Variants in MROH1 observed in about 807,000 individuals in gnomAD.
MROH1 encodes maestro heat like repeat family member 1.
In MROH1, 117 loss-of-function variants were observed where a neutral mutation model predicts 116.5. The observed-to-expected ratio is 1.00, with a 90% CI of 0.86 to 1.17. The LOEUF is 1.17. Among genes scored for constraint, MROH1 ranks in the 50% most tolerant of loss-of-function variants. MROH1 has a pLI of 0.00. For missense variants in MROH1, 1,873 were observed against 1,338.5 expected (o/e 1.40, Z -6.23); for synonymous variants, 921 against 583.9 (o/e 1.58, Z -8.32).
chr8:144,174,883 A>T (rs1219325425), intron 4 of MROH1: 4 of 985,336 alleles, frequency 4.1e-6, no homozygotes, highest in Non-Finnish European at 4.8e-6. Context: ...TCAGCCTGTC[A>T]CCCTGCACTG....
At chr8:144,153,052 G>A (rs1211926919) in intron 1 of MROH1, among the ~76,000 whole-genome samples, 5 of 152,260 alleles carry the variant, frequency 3.3e-5, no homozygotes, top group South Asian at 2.1e-4. Flanking sequence ...GGTAACCACC[G>A]TTCTACTCTG....
chr8:144,197,650 C>G (rs1322593663), intron 10 of MROH1, among the ~76,000 whole-genome samples: 1 of 149,478 alleles, frequency 6.7e-6, no homozygotes, highest in Admixed American at 6.7e-5. Context: ...TTAGCCAGGA[C>G]GGTCTCCATC....
intron 12 of MROH1, among the ~76,000 whole-genome samples, chr8:144,219,302 G>A (rs1402155586): frequency 6.6e-6 from 1 of 152,016 alleles, no homozygotes; most frequent in African/African-American, 2.4e-5. Context: ...GATTACAGGC[G>A]TGAGCCACCG....
chr8:144,245,286 G>C (rs1841696624), intron 29 of MROH1, 26 bp downstream of exon 29: 2 of 773,110 alleles, frequency 2.6e-6, no homozygotes, highest in Admixed American at 3.4e-5. Flanking sequence ...CCTGGCCCGG[G>C]TGCTGCTGCC....
chr8:144,234,497 C>CTTTTTTTTTTTTTTTTTT (rs1554823930), intron 14 of MROH1, among the ~76,000 whole-genome samples: 2 of 20,630 alleles, frequency 9.7e-5, no homozygotes, highest in Non-Finnish European at 2.2e-4. Flanking sequence ...CTTTCTTTTT[C>CTTTTTTTTTTTTTTTTTT]GTTTTTTTTT....
At chr8:144,191,911 C>T (rs1210986463) in intron 9 of MROH1, 56 bp downstream of exon 9, 1 of 1,599,804 alleles carries the variant, frequency 6.3e-7, no homozygotes, top group African/African-American at 1.3e-5. Flanking sequence ...ATCAGACTCC[C>T]CGGGGGTGGC....
At chr8:144,211,580 G>C (rs1247111452) in intron 12 of MROH1, among the ~76,000 whole-genome samples, 1 of 151,958 alleles carries the variant, frequency 6.6e-6, no homozygotes, top group East Asian at 1.9e-4. Context: ...ACAAAAATTA[G>C]CCAGGCATGG....
Position 144,182,662 on chromosome 8 carries a change from T to A in MROH1, c.562+2139T>A, listed in dbSNP as rs1210983316. ...AGAAAATAGAGGAAAAAGGCAAAAA[T>A]ATGGAAAGTAGGAGAGAAAGAGAAG... On this transcript the variant is annotated intron_variant, in intron 7 of 43. Coordinates refer to ENST00000326134, the MANE Select transcript of MROH1 (RefSeq NM_032450.3). The surrounding 1 kb of genome is among the most constrained non-coding windows in gnomAD (Gnocchi z 4.1). Among the ~76,000 whole-genome samples the A allele has an allele frequency of 6.6e-6, 1 of 151,120 alleles. No homozygotes were observed. The highest frequency in any genetic ancestry group is 1.5e-5 in the Non-Finnish European group (1 of 67,806).
intron 4 of MROH1, among the ~76,000 whole-genome samples, chr8:144,170,464 C>T (rs1587850098): frequency 6.6e-6 from 1 of 152,152 alleles, no homozygotes; most frequent in South Asian, 2.1e-4. Context: ...TCCTGCAGAC[C>T]GCCTCCAGGA....
At chr8:144,228,046 A>G (rs922701900) in intron 14 of MROH1, among the ~76,000 whole-genome samples, 8 of 152,102 alleles carry the variant, frequency 5.3e-5, no homozygotes, top group Non-Finnish European at 1.2e-4. Flanking sequence ...AGCCTGGACA[A>G]TGTAACCAGA....
intron 12 of MROH1, among the ~76,000 whole-genome samples, chr8:144,201,504 A>G (rs1831142138): frequency 2.0e-5 from 3 of 152,140 alleles, no homozygotes; most frequent in South Asian, 4.2e-4. Flanking sequence ...TGCTCATCCT[A>G]TGAGCTAGGG....
intron 10 of MROH1, among the ~76,000 whole-genome samples, chr8:144,194,568 A>G (rs987732654): frequency 6.6e-6 from 1 of 152,326 alleles, no homozygotes; most frequent in South Asian, 2.1e-4. Context: ...GGAAGGGAAG[A>G]TGGTCATTAT....
At chr8:144,202,343 A>T (rs1831381064) in intron 12 of MROH1, among the ~76,000 whole-genome samples, 1 of 145,190 alleles carries the variant, frequency 6.9e-6, no homozygotes, top group African/African-American at 2.6e-5. Flanking sequence ...CAGGGAGGGA[A>T]GTGTCCCCTC....
intron 2 of MROH1, among the ~76,000 whole-genome samples, chr8:144,162,572 T>C (rs186803246): frequency 6.6e-6 from 1 of 151,544 alleles, no homozygotes; most frequent in East Asian, 1.9e-4. Flanking sequence ...TTTTTTTGTA[T>C]TTTTAGTAGA....
chr8:144,186,759 G>C (rs1021153006), intron 7 of MROH1, among the ~76,000 whole-genome samples: 1 of 152,308 alleles, frequency 6.6e-6, no homozygotes, highest in East Asian at 1.9e-4. Flanking sequence ...GACATAAGAA[G>C]GGAAACCACA....
intron 35 of MROH1, among the ~76,000 whole-genome samples, chr8:144,256,474 C>T (rs1425040793): frequency 1.3e-5 from 2 of 152,150 alleles, no homozygotes; most frequent in Non-Finnish European, 2.9e-5. Flanking sequence ...CCCAGCACCA[C>T]AGGCTGCTCA....
chr8:144,255,714 G>A lies in MROH1; in HGVS notation c.3791+9G>A. ...AACCTGGAACCCTGCAGGTATCTGG[G>A]TCCCCACTTCCCACCTCCAGTACTG... On this transcript the variant is annotated intron_variant, in intron 35 of 43. Coordinates refer to ENST00000326134, the MANE Select transcript of MROH1 (RefSeq NM_032450.3). 1 of 747,712 alleles carries A rather than the reference G, an allele frequency of 1.3e-6. No homozygotes were observed. The highest frequency in any genetic ancestry group is 2.5e-6 in the Non-Finnish European group (1 of 402,188). 46.3% of individuals were successfully genotyped at this position (747,712 alleles called of 1,614,324 possible).
At chr8:144,203,437 G>A (rs758502892) in intron 12 of MROH1, among the ~76,000 whole-genome samples, 1 of 151,242 alleles carries the variant, frequency 6.6e-6, no homozygotes, top group Non-Finnish European at 1.5e-5. Flanking sequence ...TGGAGGGGTT[G>A]GGAGGGGAGC....
chr8:144,223,508 C>T (rs1837234797), intron 14 of MROH1, among the ~76,000 whole-genome samples: 1 of 152,172 alleles, frequency 6.6e-6, no homozygotes, highest in African/African-American at 2.4e-5. Flanking sequence ...CCCAAGACTA[C>T]AGGCACATGC....
Sources: allele counts gnomAD v4.1 joint callset (sites outside exome capture counted in the v4.1 genomes callset), GRCh38; gene constraint gnomAD v4.1.1; non-coding constraint Gnocchi (gnomAD v3.1); transcripts MANE v1.5; gene names NCBI Gene and HGNC (gene_info 2026-07-23, HGNC 2026-07-21).